Variants in NTSR1 observed in about 807,000 individuals in gnomAD.
NTSR1 encodes neurotensin receptor 1.
Under a neutral mutation model 31.2 loss-of-function variants are expected in NTSR1, and 29 were observed. The observed-to-expected ratio is 0.93, with a 90% CI of 0.69 to 1.27. The LOEUF (loss-of-function observed/expected upper bound fraction) is 1.27, where lower values mean the gene tolerates loss of function less well. NTSR1 is among the 50% of genes most tolerant of loss of function. The pLI is 0.00. For missense variants in NTSR1, 697 were observed against 595.4 expected (o/e 1.17, Z -1.78); for synonymous variants, 282 against 269.9 (o/e 1.04, Z -0.44).
rs1347135140 is a variant in NTSR1 at position 62,714,207 on chromosome 20, C to CT, written c.714+4287dup. On this transcript the variant is annotated intron_variant, in intron 1 of 3. Coordinates refer to ENST00000370501, the MANE Select transcript of NTSR1 (RefSeq NM_002531.3). The surrounding 1 kb of genome is among the most constrained non-coding windows in gnomAD (Gnocchi z 4.1). ...CCACGCCACGCAGCTGTGGGCAGCT[C>CT]TGGCTCTGGCCGTAGCGGCCACAGT... 2.6e-5 allele frequency among the ~76,000 whole-genome samples: 4 copies of CT among 152,252 alleles called. No homozygotes were observed. The highest frequency in any genetic ancestry group is 9.6e-5 in the African/African-American group (4 of 41,476).
At position 62,733,369 on chromosome 20, in the gene NTSR1, C is replaced by T. The variant is rs1348258768; in HGVS notation, c.715-21316C>T. ...TGAAGCACTTGGTTGAAGCTTGCTG[C>T]GCTCCTTTCCGGGAGCAAATGAGCA... On this transcript the variant is annotated intron_variant, in intron 1 of 3. Transcript: ENST00000370501. This position sits in a 1 kb window ranked among gnomAD's most constrained non-coding sequence, Gnocchi z 5.2. Among the ~76,000 whole-genome samples the T allele has an allele frequency of 6.6e-6, 1 of 152,148 alleles. No homozygotes were observed. The highest frequency in any genetic ancestry group is 2.4e-5 in the African/African-American group (1 of 41,422).
intron 1 of NTSR1, among the ~76,000 whole-genome samples, chr20:62,753,155 G>A (rs565546068): frequency 6.6e-6 from 1 of 152,216 alleles, no homozygotes; most frequent in Non-Finnish European, 1.5e-5. Flanking sequence ...CTTCCTGAAG[G>A]CCTCTGAGTG....
chr20:62,718,458 A>G (rs569573088), intron 1 of NTSR1, among the ~76,000 whole-genome samples: 32 of 152,208 alleles, frequency 2.1e-4, no homozygotes, highest in Non-Finnish European at 3.2e-4. Flanking sequence ...GCTTGTTCGC[A>G]CCTATGAGCT....
intron 1 of NTSR1, among the ~76,000 whole-genome samples, chr20:62,721,749 C>T (rs1157137801): frequency 1.3e-5 from 2 of 152,230 alleles, no homozygotes; most frequent in Non-Finnish European, 2.9e-5. Flanking sequence ...TCTGAGATTT[C>T]CTGTCACACT....
rs140803345 is a variant in NTSR1 at position 62,760,198 on chromosome 20, G to A, written c.1188G>A (p.Ser396=). 1.1e-4 allele frequency: 180 copies of A among 1,613,716 alleles called. No homozygotes were observed. Among genetic ancestry groups the A allele is most frequent in the Middle Eastern group, 1.6e-4 (1 of 6,084 alleles). Residue 396 remains serine (S), a synonymous_variant, in exon 4 of 4, where the codon TCG becomes TCA. Transcript: ENST00000370501. ...WRRRRKRPAF[S]RKADSVSSNH... ...GCAGGAGGAAGAGGCCAGCCTTCTC[G>A]AGGAAGGCCGACAGCGTGTCCAGCA...
rs775142005 is a variant in NTSR1 at position 62,760,258 on chromosome 20, G to C, written c.1248G>C (p.Thr416=). 3.1e-6 allele frequency: 5 copies of C among 1,606,128 alleles called. No homozygotes were observed. The East Asian group carries it at 1.1e-4, about 36-fold the overall frequency. ...TCTCCAGCAATGCCACCCGCGAGAC[G>C]CTGTACTAGGCTGTGCGCCCCGGAA... ...HTLSSNATRE[T]LY is the part of the protein sequence containing the mutation. The change falls in exon 4 of 4, where the codon ACG becomes ACC. Residue 416 remains threonine, a synonymous_variant. Transcript: ENST00000370501.
In NTSR1 at chr20:62,715,182, A is replaced by T. The variant is rs1478625324; in HGVS notation, c.714+5261A>T. Reference sequence around the variant, plus strand: ...TGGAAATAAAGAATTTGGCGTATGAAATCACCGTTCAGATGGTGACTCTGA... The same window carrying T: ...TGGAAATAAAGAATTTGGCGTATGATATCACCGTTCAGATGGTGACTCTGA... On this transcript the variant is annotated intron_variant, in intron 1 of 3. Transcript: ENST00000370501. This position sits in a 1 kb window ranked among gnomAD's most constrained non-coding sequence, Gnocchi z 4.7. Among the ~76,000 whole-genome samples the T allele has an allele frequency of 6.6e-6, 1 of 152,214 alleles. No homozygotes were observed. Among genetic ancestry groups the T allele is most frequent in the Non-Finnish European group, 1.5e-5 (1 of 68,044 alleles).
intron 2 of NTSR1, among the ~76,000 whole-genome samples, chr20:62,757,035 T>C (rs1368062625): frequency 6.6e-6 from 1 of 152,218 alleles, no homozygotes; most frequent in Non-Finnish European, 1.5e-5. Context: ...TGAGCTGACT[T>C]CCACTCTCCT....
chr20:62,747,690 G>C (rs1402338187), intron 1 of NTSR1, among the ~76,000 whole-genome samples: 1 of 152,156 alleles, frequency 6.6e-6, no homozygotes, highest in Non-Finnish European at 1.5e-5. Context: ...CATCAGAAAG[G>C]AAGAAGTAAA....
intron 1 of NTSR1, among the ~76,000 whole-genome samples, chr20:62,739,451 C>T (rs1248275204): frequency 6.6e-6 from 1 of 151,888 alleles, no homozygotes; most frequent in African/African-American, 2.4e-5. Context: ...GCCTGGGGCC[C>T]CCTGAGCCCA....
At position 62,758,958 on chromosome 20, in the gene NTSR1, C is replaced by T. The variant is rs755440190; in HGVS notation, c.1007+602C>T. On this transcript the variant is annotated intron_variant, in intron 3 of 3. Transcript: ENST00000370501. This position sits in a 1 kb window ranked among gnomAD's most constrained non-coding sequence, Gnocchi z 4.5. The stretch of plus-strand genomic sequence containing the variant: ...GCAAAACCCCTACTGTTTGCACCAA[C>T]AGTTCAGGGGCAGGGAGCCCTTCTC... Among the ~76,000 whole-genome samples, 7 of 152,200 alleles carry T rather than the reference C, an allele frequency of 4.6e-5. No individual in the cohort carries two copies. The highest frequency in any genetic ancestry group is 1.0e-4 in the Non-Finnish European group (7 of 68,040).
rs1989204609 is a variant in NTSR1 at position 62,741,415 on chromosome 20, T to C, written c.715-13270T>C. On this transcript the variant is annotated intron_variant, in intron 1 of 3. Transcript: ENST00000370501. The surrounding 1 kb of genome is among the most constrained non-coding windows in gnomAD (Gnocchi z 4.3). The stretch of plus-strand genomic sequence containing the variant: ...GCAAACCTCTTGCAGAGGTGACGGG[T>C]GACTCACCAGCCCCGCTCAGAGGAC... 2.0e-5 allele frequency among the ~76,000 whole-genome samples: 3 copies of C among 149,652 alleles called. No individual in the cohort carries two copies. The highest frequency in any genetic ancestry group is 2.1e-4 in the South Asian group (1 of 4,756).
rs139082460 is a variant in NTSR1, at chr20:62,741,068, C to T, written c.715-13617C>T. ...GGGCTGAGGGCCAGGGGCCTCCCCTCCTCCTGTCCTGGAGGGCACCTGCCC... is the reference window on the plus strand; with the variant it reads ...GGGCTGAGGGCCAGGGGCCTCCCCTTCTCCTGTCCTGGAGGGCACCTGCCC... On this transcript the variant is annotated intron_variant, in intron 1 of 3. Transcript: ENST00000370501. This position sits in a 1 kb window ranked among gnomAD's most constrained non-coding sequence, Gnocchi z 4.3. Among the ~76,000 whole-genome samples the T allele has an allele frequency of 1.1e-4, 17 of 152,318 alleles. 1 individual carries two copies. In the East Asian group the frequency reaches 3.3e-3, roughly 29 times the overall value.
chr20:62,746,160 C>T (rs1209860731), intron 1 of NTSR1, among the ~76,000 whole-genome samples: 2 of 152,142 alleles, frequency 1.3e-5, no homozygotes, highest in African/African-American at 4.8e-5. Flanking sequence ...ACCACCAGGC[C>T]CCCACACTAC....
chr20:62,730,609 C>T (rs547928660), intron 1 of NTSR1, among the ~76,000 whole-genome samples: 10 of 152,178 alleles, frequency 6.6e-5, no homozygotes, highest in Admixed American at 1.3e-4. Context: ...CCAAGGAGGG[C>T]GATCGTTGGA....
At chr20:62,726,086 G>T (rs1351480426) in intron 1 of NTSR1, among the ~76,000 whole-genome samples, 1 of 152,220 alleles carries the variant, frequency 6.6e-6, no homozygotes, top group African/African-American at 2.4e-5. Context: ...TGCCCTTGGG[G>T]TTCGCAGCCT....
chr20:62,759,922 C>A, intron 3 of NTSR1, 96 bp from the exon 4 acceptor site: 1 of 1,226,630 alleles, frequency 8.2e-7, no homozygotes, highest in Non-Finnish European at 1.2e-6. Context: ...GCGTCTGAGC[C>A]ACCACGTCCC....
Position 62,709,808 on chromosome 20 carries a change from G to T in NTSR1, c.601G>T (p.Val201Leu). 6.2e-7 allele frequency: 1 copy of T among 1,612,782 alleles called. No individual in the cohort carries two copies. Among genetic ancestry groups the T allele is most frequent in the Non-Finnish European group, 8.5e-7 (1 of 1,179,906 alleles). ...CTGGCTCGCCTCGGCCCTGCTGGCG[G>T]TGCCTATGCTGTTCACCATGGGCGA... ...AIWLASALLA[V>L]PMLFTMGEQN... is the part of the protein sequence containing the mutation. Residue 201 changes from valine (V) to leucine (L), a missense_variant, in exon 1 of 4, where the codon GTG becomes TTG. By Grantham distance (32) the Val-to-Leu change is conservative. Transcript: ENST00000370501.
chr20:62,743,450 A>G lies in NTSR1; in HGVS notation c.715-11235A>G, dbSNP rs1046808542. Among the ~76,000 whole-genome samples, 1 of 152,076 alleles carries G rather than the reference A, an allele frequency of 6.6e-6. No individual in the cohort carries two copies. Among genetic ancestry groups the G allele is most frequent in the Non-Finnish European group, 1.5e-5 (1 of 68,010 alleles). On this transcript the variant is annotated intron_variant, in intron 1 of 3. Coordinates refer to ENST00000370501, the MANE Select transcript of NTSR1 (RefSeq NM_002531.3). This position sits in a 1 kb window ranked among gnomAD's most constrained non-coding sequence, Gnocchi z 7.5. The stretch of plus-strand genomic sequence containing the variant: ...GTCTAGTGGGGGCCTCTCCACCTGG[A>G]GTCTGTCTGGGAGGTTAGAAAAGAC...
Sources: gnomAD v4.1 joint callset for allele counts (sites outside exome capture counted in the v4.1 genomes callset) on GRCh38, gnomAD v4.1.1 for gene constraint, Gnocchi (gnomAD v3.1) non-coding constraint, MANE v1.5 for transcripts, NCBI Gene and HGNC (gene_info 2026-07-23, HGNC 2026-07-21) for gene names.